PPM1L: variants seen among roughly 807,000 people sequenced by gnomAD.
The protein encoded by PPM1L is protein phosphatase, Mg2+/Mn2+ dependent 1L.
PPM1L carries 13 observed loss-of-function variants against 31.4 expected under a neutral mutation model. The ratio of observed to expected loss-of-function variants is 0.41; its 90% confidence interval spans 0.27 to 0.66. The LOEUF is 0.66. Among genes scored for constraint, PPM1L ranks in the 30% least tolerant of loss-of-function variants. The pLI is 0.29. For synonymous variants in PPM1L, 184 were observed against 175.4 expected, an observed-to-expected ratio of 1.05 and a Z score of -0.39; for missense variants, 326 against 453.7, an observed-to-expected ratio of 0.72 and a Z score of 2.56.
intron 2 of PPM1L, among the ~76,000 whole-genome samples, chr3:160,972,218 C>T (rs1019364266): frequency 9.2e-5 from 14 of 151,774 alleles, no homozygotes; most frequent in African/African-American, 3.1e-4. Flanking sequence ...TTTTATTATA[C>T]TTTAAGTTTT....
intron 2 of PPM1L, among the ~76,000 whole-genome samples, chr3:161,058,207 C>T (rs963151108): frequency 1.5e-5 from 2 of 134,388 alleles, no homozygotes; most frequent in East Asian, 2.5e-4. Flanking sequence ...TCACTGCAAC[C>T]TCTGTCTCGC....
At chr3:160,964,921 G>A (rs1419546035) in intron 2 of PPM1L, among the ~76,000 whole-genome samples, 1 of 151,980 alleles carries the variant, frequency 6.6e-6, no homozygotes, top group Non-Finnish European at 1.5e-5. Flanking sequence ...CTATTTAGCA[G>A]AAAAATATAA....
chr3:161,023,110 T>C (rs1375865704), intron 2 of PPM1L, among the ~76,000 whole-genome samples: 2 of 150,118 alleles, frequency 1.3e-5, no homozygotes, highest in African/African-American at 4.9e-5. Flanking sequence ...TTTGAAACTT[T>C]CTTGTACATT....
rs186507295 is a variant in PPM1L at position 160,770,064 on chromosome 3, T to C, written c.399+13357T>C. On this transcript the variant is annotated intron_variant, in intron 1 of 3. Transcript: ENST00000498165. The stretch of plus-strand genomic sequence containing the variant: ...CTTTTCATTATGTTTTCTCATCTGA[T>C]TATTGTCAATTTATAAAAATGCTTA... 2.2e-4 allele frequency among the ~76,000 whole-genome samples: 33 copies of C among 152,356 alleles called. No homozygotes were observed. In the East Asian group the frequency reaches 5.4e-3, roughly 25 times the overall value.
At chr3:160,963,328 A>C (rs1197978383) in intron 2 of PPM1L, among the ~76,000 whole-genome samples, 1 of 152,110 alleles carries the variant, frequency 6.6e-6, no homozygotes, top group Non-Finnish European at 1.5e-5. Flanking sequence ...TCATTTGCTC[A>C]GTAAGCAATT....
At chr3:160,973,046 A>T (rs928686416) in intron 2 of PPM1L, among the ~76,000 whole-genome samples, 1 of 152,166 alleles carries the variant, frequency 6.6e-6, no homozygotes, top group African/African-American at 2.4e-5. Flanking sequence ...ACATTCCCCA[A>T]CTTCATCTTA....
At position 161,026,195 on chromosome 3, in the gene PPM1L, G is replaced by A. The variant is rs185440760; in HGVS notation, c.575-39208G>A. ...AACTGCTTCCCAGATGCAATGGTAA[G>A]AGTTTGTACTGCCCTTAAGGGGGTA... On this transcript the variant is annotated intron_variant, in intron 2 of 3. Coordinates refer to ENST00000498165, the MANE Select transcript of PPM1L (RefSeq NM_139245.4). Among the ~76,000 whole-genome samples the A allele has an allele frequency of 1.2e-3, 177 of 152,292 alleles. 1 individual carries two copies. Among genetic ancestry groups the A allele is most frequent in the African/African-American group, 3.9e-3 (164 of 41,560 alleles).
chr3:160,951,761 C>G (rs1235212608), intron 1 of PPM1L, among the ~76,000 whole-genome samples: 2 of 152,136 alleles, frequency 1.3e-5, no homozygotes, highest in Admixed American at 1.3e-4. Context: ...ACTTAGTAGT[C>G]CATCACTTTA....
intron 1 of PPM1L, among the ~76,000 whole-genome samples, chr3:160,948,820 G>C (rs1383035393): frequency 1.3e-5 from 2 of 152,092 alleles, no homozygotes; most frequent in Non-Finnish European, 2.9e-5. Context: ...ACTCTGTCTT[G>C]GGGGACTCTT....
chr3:160,791,735 T>C (rs965347263), intron 1 of PPM1L, among the ~76,000 whole-genome samples: 1 of 152,156 alleles, frequency 6.6e-6, no homozygotes, highest in African/African-American at 2.4e-5. Context: ...ATAATGAGTG[T>C]TAGGAATGCT....
chr3:161,022,132 A>AT (rs755669333), intron 2 of PPM1L: 14,512 of 602,176 alleles, frequency 0.024, 1 homozygote, highest in South Asian at 0.037. Flanking sequence ...TTTTAATTCC[A>AT]TTTTTTTTTT....
rs181338356 is a variant in PPM1L at position 160,928,524 on chromosome 3, G to A, written c.400-33212G>A. On this transcript the variant is annotated intron_variant, in intron 1 of 3. Coordinates refer to ENST00000498165, the MANE Select transcript of PPM1L (RefSeq NM_139245.4). ...TACTGGTAGCCAATTGCTACCTTCC[G>A]ACTCCCTCTATTGGAGAGAATATGA... 1.3e-3 allele frequency among the ~76,000 whole-genome samples: 191 copies of A among 152,276 alleles called. 1 individual carries two copies. The highest frequency in any genetic ancestry group is 4.4e-3 in the African/African-American group (181 of 41,566).
At chr3:160,868,229 G>A (rs927748736) in intron 1 of PPM1L, among the ~76,000 whole-genome samples, 3 of 152,308 alleles carry the variant, frequency 2.0e-5, no homozygotes, top group Middle Eastern at 3.4e-3. Flanking sequence ...AAATACACAA[G>A]TGACACCTAG....
At chr3:161,028,412 G>A (rs1280100038) in intron 2 of PPM1L, among the ~76,000 whole-genome samples, 4 of 152,134 alleles carry the variant, frequency 2.6e-5, no homozygotes, top group Admixed American at 2.0e-4. Flanking sequence ...TGAAGATGTG[G>A]GTGTGAGTGA....
At chr3:160,962,692 T>C (rs1178900572) in intron 2 of PPM1L, among the ~76,000 whole-genome samples, 2 of 152,070 alleles carry the variant, frequency 1.3e-5, no homozygotes, top group Non-Finnish European at 2.9e-5. Flanking sequence ...TCTGCTTCTA[T>C]TTTTACAAGT....
chr3:160,766,410 T>G (rs1226458019), intron 1 of PPM1L, among the ~76,000 whole-genome samples: 1 of 152,174 alleles, frequency 6.6e-6, no homozygotes, highest in Non-Finnish European at 1.5e-5. Context: ...ATCTGGGGAT[T>G]AGATCATTAG....
Position 160,916,174 on chromosome 3 carries a change from A to T in PPM1L, c.400-45562A>T, listed in dbSNP as rs1033857235. On this transcript the variant is annotated intron_variant, in intron 1 of 3. Coordinates refer to ENST00000498165, the MANE Select transcript of PPM1L (RefSeq NM_139245.4). ...CAACCTACTCATCTGACAAAGGGCTAATATCCAGAATCTACAATGAACTCA... is the reference window on the plus strand; with the variant it reads ...CAACCTACTCATCTGACAAAGGGCTTATATCCAGAATCTACAATGAACTCA... Among the ~76,000 whole-genome samples, 5 of 152,192 alleles carry T rather than the reference A, an allele frequency of 3.3e-5. No individual in the cohort carries two copies. In the East Asian group the frequency reaches 9.6e-4, roughly 29 times the overall value.
intron 1 of PPM1L, among the ~76,000 whole-genome samples, chr3:160,930,077 A>C (rs1383510832): frequency 6.6e-6 from 1 of 152,120 alleles, no homozygotes; most frequent in Admixed American, 6.5e-5. Flanking sequence ...CTTCCTCAGA[A>C]ACTCTCCCTT....
At chr3:160,813,679 G>T (rs763386824) in intron 1 of PPM1L, among the ~76,000 whole-genome samples, 4 of 152,126 alleles carry the variant, frequency 2.6e-5, no homozygotes, top group Admixed American at 6.6e-5. Context: ...AAAAAAATTA[G>T]CGATGTTCTG....
Sources: gnomAD v4.1 joint callset for allele counts (sites outside exome capture counted in the v4.1 genomes callset) on GRCh38, gnomAD v4.1.1 for gene constraint, MANE v1.5 for transcripts, NCBI Gene and HGNC (gene_info 2026-07-23, HGNC 2026-07-21) for gene names.